Variants in WWOX observed in about 807,000 individuals in gnomAD.
WWOX encodes WW domain containing oxidoreductase.
Under a neutral mutation model 46.2 loss-of-function variants are expected in WWOX, and 69 were observed. The observed-to-expected ratio is 1.49, with a 90% CI of 1.23 to 1.82. The LOEUF is 1.82. WWOX is among the 40% of genes most tolerant of loss of function. The pLI is 0.00. For missense variants in WWOX, 919 were observed against 542.6 expected, an observed-to-expected ratio of 1.69 and a Z score of -6.89; for synonymous variants, 359 against 202.6, an observed-to-expected ratio of 1.77 and a Z score of -6.56.
intron 8 of WWOX, among the ~76,000 whole-genome samples, chr16:79,075,065 C>G (rs1329433508): frequency 5.9e-5 from 9 of 152,068 alleles, no homozygotes; most frequent in African/African-American, 1.4e-4. Context: ...TATGGAAGTG[C>G]AATAGTTATT....
At chr16:78,419,625 C>CGAAAAAAA (rs1491558183) in intron 6 of WWOX, among the ~76,000 whole-genome samples, 1 of 44,692 alleles carries the variant, frequency 2.2e-5, no homozygotes, top group African/African-American at 7.3e-5. Context: ...CAAAAAATAG[C>CGAAAAAAA]AAAAAAAAAA....
chr16:78,546,595 C>G (rs1414951968), intron 8 of WWOX, among the ~76,000 whole-genome samples: 3 of 152,184 alleles, frequency 2.0e-5, no homozygotes, highest in East Asian at 1.9e-4. Flanking sequence ...ATACCTGAGA[C>G]TCAGCTAGGA....
chr16:78,675,367 A>G (rs994789693), intron 8 of WWOX, among the ~76,000 whole-genome samples: 2 of 152,292 alleles, frequency 1.3e-5, no homozygotes, highest in East Asian at 1.9e-4. Flanking sequence ...GTTCATCTAC[A>G]TAAATAAATA....
At chr16:78,599,573 C>G (rs918477706) in intron 8 of WWOX, among the ~76,000 whole-genome samples, 6 of 152,166 alleles carry the variant, frequency 3.9e-5, no homozygotes, top group Admixed American at 1.3e-4. Flanking sequence ...TCCAGGCCTC[C>G]CCACTTAATT....
chr16:79,138,498 G>A (rs572380069), intron 8 of WWOX, among the ~76,000 whole-genome samples: 2 of 152,272 alleles, frequency 1.3e-5, no homozygotes, highest in African/African-American at 4.8e-5. Flanking sequence ...CCTCACTCCT[G>A]TGGCCCCACT....
intron 8 of WWOX, among the ~76,000 whole-genome samples, chr16:79,062,265 C>T (rs1267762724): frequency 3.3e-5 from 5 of 152,262 alleles, no homozygotes; most frequent in Middle Eastern, 3.4e-3. Context: ...TTTCTTAGTT[C>T]TCCATTTATT....
intron 5 of WWOX, among the ~76,000 whole-genome samples, chr16:78,352,675 C>T (rs1001575524): frequency 6.6e-6 from 1 of 152,178 alleles, no homozygotes; most frequent in African/African-American, 2.4e-5. Flanking sequence ...CCTTAATTAC[C>T]ATTTGCTATG....
intron 8 of WWOX, among the ~76,000 whole-genome samples, chr16:78,580,371 G>C (rs909534842): frequency 6.6e-6 from 1 of 152,134 alleles, no homozygotes; most frequent in Non-Finnish European, 1.5e-5. Flanking sequence ...ACTGCACCTG[G>C]CCTCCAACAG....
chr16:78,912,293 G>C (rs1047361015), intron 8 of WWOX, among the ~76,000 whole-genome samples: 2 of 152,020 alleles, frequency 1.3e-5, no homozygotes, highest in South Asian at 2.1e-4. Flanking sequence ...CTGTGTGCCA[G>C]GCACTATGCT....
intron 8 of WWOX, among the ~76,000 whole-genome samples, chr16:78,989,682 G>C (rs1472403592): frequency 2.0e-5 from 3 of 152,282 alleles, no homozygotes; most frequent in Middle Eastern, 6.8e-3. Flanking sequence ...TTAGGGAGCA[G>C]AGAGCATGAG....
intron 6 of WWOX, among the ~76,000 whole-genome samples, chr16:78,413,728 A>G (rs2082733831): frequency 1.3e-5 from 2 of 151,938 alleles, no homozygotes; most frequent in African/African-American, 2.4e-5. Flanking sequence ...TGAAGATGAA[A>G]TCACAGGGAA....
chr16:79,028,171 G>C (rs560559647), intron 8 of WWOX, among the ~76,000 whole-genome samples: 1 of 151,644 alleles, frequency 6.6e-6, no homozygotes, highest in South Asian at 2.1e-4. Context: ...GGATGGTCTC[G>C]ATCTCCTGAC....
intron 8 of WWOX, among the ~76,000 whole-genome samples, chr16:79,025,916 A>G (rs2047631213): frequency 6.8e-6 from 1 of 146,292 alleles, no homozygotes; most frequent in Admixed American, 7.1e-5. Flanking sequence ...CTCCTGCCTC[A>G]CCCTCCCGAG....
chr16:78,862,184 G>C (rs1597074593), intron 8 of WWOX, among the ~76,000 whole-genome samples: 1 of 151,674 alleles, frequency 6.6e-6, no homozygotes, highest in African/African-American at 2.4e-5. Context: ...ACACCGATGG[G>C]TGTGTCTGTC....
At chr16:78,618,359 G>T (rs1174756970) in intron 8 of WWOX, among the ~76,000 whole-genome samples, 1 of 152,184 alleles carries the variant, frequency 6.6e-6, no homozygotes, top group East Asian at 1.9e-4. Context: ...GAGGTTGGGA[G>T]TCCTAGATCA....
At chr16:78,912,408 C>A (rs1277690521) in intron 8 of WWOX, among the ~76,000 whole-genome samples, 1 of 151,816 alleles carries the variant, frequency 6.6e-6, no homozygotes, top group African/African-American at 2.4e-5. Flanking sequence ...AGAACTTGCC[C>A]AGGGTCACAC....
At chr16:78,127,995 G>T (rs2033430399) in intron 4 of WWOX, among the ~76,000 whole-genome samples, 1 of 152,142 alleles carries the variant, frequency 6.6e-6, no homozygotes, top group African/African-American at 2.4e-5. Context: ...GTTTTGTACA[G>T]ATCAAGTAAA....
chr16:78,164,040 A>G (rs2034885191), intron 4 of WWOX, 143 bp from the exon 5 acceptor site: 1 of 778,786 alleles, frequency 1.3e-6, no homozygotes, highest in South Asian at 1.5e-5. Context: ...GTCTCCAGAC[A>G]TTTGCTTCTG....
At chr16:78,251,077 C>A (rs2037972249) in intron 5 of WWOX, among the ~76,000 whole-genome samples, 1 of 152,196 alleles carries the variant, frequency 6.6e-6, no homozygotes, top group Non-Finnish European at 1.5e-5. Flanking sequence ...TACGTTACCG[C>A]TATTGGGGTG....
Sources: gnomAD v4.1 joint callset for allele counts (sites outside exome capture counted in the v4.1 genomes callset) on GRCh38, gnomAD v4.1.1 for gene constraint, MANE v1.5 for transcripts, NCBI Gene and HGNC (gene_info 2026-07-23, HGNC 2026-07-21) for gene names.